The following CACNA1D variants were observed in gnomAD, a reference collection of about 807,000 sequenced individuals.
CACNA1D encodes calcium voltage-gated channel subunit alpha1 D.
CACNA1D carries 55 observed loss-of-function variants against 257.1 expected under a neutral mutation model. The ratio of observed to expected loss-of-function variants is 0.21; its 90% CI spans 0.17 to 0.27. The LOEUF is 0.27. Ranked by LOEUF, CACNA1D falls within the 10% of genes least tolerant of loss-of-function variation. CACNA1D has a pLI of 1.00. For missense variants in CACNA1D, 1,876 were observed against 2,784.0 expected (o/e 0.67, Z 7.34); for synonymous variants, 980 against 1,014.9 (o/e 0.97, Z 0.65).
At chr3:53,527,336 G>C in intron 3 of CACNA1D, among the ~76,000 whole-genome samples, 1 of 152,156 alleles carries the variant, frequency 6.6e-6, no homozygotes, top group South Asian at 2.1e-4. Context: ...AACTGTATTG[G>C]GTAGTTCATC....
intron 9 of CACNA1D, among the ~76,000 whole-genome samples, chr3:53,716,353 C>T (rs2094817884): frequency 3.9e-5 from 6 of 152,246 alleles, no homozygotes. Context: ...CAGTAACCAC[C>T]ACGGAAAATG....
At chr3:53,523,677 G>A (rs766490312) in intron 3 of CACNA1D, among the ~76,000 whole-genome samples, 1 of 152,218 alleles carries the variant, frequency 6.6e-6, no homozygotes, top group Non-Finnish European at 1.5e-5. Context: ...CCCACGTTAG[G>A]CACTCAGTCC....
chr3:53,805,189 C>G (rs755541250), intron 45 of CACNA1D, 43 bp downstream of exon 45: 6 of 1,582,372 alleles, frequency 3.8e-6, no homozygotes, highest in South Asian at 1.1e-5. Flanking sequence ...TCCCGGGGAA[C>G]AGTGTACCTC....
At chr3:53,640,680 T>C (rs1225877124) in intron 3 of CACNA1D, among the ~76,000 whole-genome samples, 2 of 152,266 alleles carry the variant, frequency 1.3e-5, no homozygotes, top group Non-Finnish European at 2.9e-5. Context: ...TGTTTGTTGA[T>C]ATGATTTACC....
chr3:53,503,746 A>G (rs1005385255), intron 3 of CACNA1D, among the ~76,000 whole-genome samples: 4 of 150,988 alleles, frequency 2.6e-5, no homozygotes, highest in Non-Finnish European at 5.9e-5. Flanking sequence ...TTTCTTGACT[A>G]TTCTTAAGCT....
intron 4 of CACNA1D, among the ~76,000 whole-genome samples, chr3:53,651,231 G>A (rs930704333): frequency 6.6e-6 from 1 of 152,098 alleles, no homozygotes; most frequent in African/African-American, 2.4e-5. Context: ...AACCCTGTTG[G>A]TGATTAGAGT....
At chr3:53,719,831 T>C (rs2094862637) in intron 11 of CACNA1D, 50 bp downstream of exon 11, 2 of 1,535,120 alleles carry the variant, frequency 1.3e-6, no homozygotes, top group East Asian at 4.5e-5. Context: ...TGCCTTTGTA[T>C]GTTCTCACTT....
intron 3 of CACNA1D, among the ~76,000 whole-genome samples, chr3:53,541,992 G>A: frequency 6.6e-6 from 1 of 152,200 alleles, no homozygotes; most frequent in South Asian, 2.1e-4. Context: ...TTTCAGGCAG[G>A]AGAGAGTGGG....
At chr3:53,707,878 G>A (rs1336299196) in intron 9 of CACNA1D, among the ~76,000 whole-genome samples, 3 of 152,228 alleles carry the variant, frequency 2.0e-5, no homozygotes, top group South Asian at 2.1e-4. Flanking sequence ...CAATTTTATT[G>A]TAGGAACTAT....
In CACNA1D at chr3:53,793,501, C is replaced by T. The variant is rs1380834875; in HGVS notation, c.4923+6549C>T. ...TCCAAGATTCCATACACTCAGGCCT[C>T]GGCAGAAAGGCCCCAAGCGATTCAA... On this transcript the variant is annotated intron_variant, in intron 40 of 47. Transcript: ENST00000350061. The surrounding 1 kb of genome is among the most constrained non-coding windows in gnomAD (Gnocchi z 4.1). Among the ~76,000 whole-genome samples, 2 of 152,204 alleles carry T rather than the reference C, an allele frequency of 1.3e-5. No individual in the cohort carries two copies. The highest frequency in any genetic ancestry group is 2.4e-5 in the African/African-American group (1 of 41,448).
intron 15 of CACNA1D, among the ~76,000 whole-genome samples, chr3:53,728,224 C>T (rs2094955005): frequency 6.6e-6 from 1 of 152,116 alleles, no homozygotes; most frequent in Non-Finnish European, 1.5e-5. Flanking sequence ...CTGCAACCTC[C>T]GCCTCCTGGG....
intron 3 of CACNA1D, among the ~76,000 whole-genome samples, chr3:53,590,159 C>G (rs531272570): frequency 6.6e-6 from 1 of 152,254 alleles, no homozygotes; most frequent in Non-Finnish European, 1.5e-5. Context: ...CAGCTCATGC[C>G]ACTGCCCCTG....
chr3:53,679,035 C>T (rs1038399169), intron 8 of CACNA1D: 14 of 151,722 alleles, frequency 9.2e-5, no homozygotes, highest in African/African-American at 2.9e-4. Flanking sequence ...TTTCGGAGGC[C>T]GAGGCAGCTG....
rs1000577969 is a variant in CACNA1D at position 53,811,172 on chromosome 3, A to G, written c.6252A>G (p.Thr2084=). 7 of 1,614,154 alleles carry G rather than the reference A, an allele frequency of 4.3e-6. No homozygotes were observed. The highest frequency in any genetic ancestry group is 5.1e-6 in the Non-Finnish European group (6 of 1,180,004). Residue 2084 remains threonine (T), a synonymous_variant, in exon 48 of 48, where the codon ACA becomes ACG. Transcript: ENST00000350061. The surrounding 1 kb of genome is among the most constrained non-coding windows in gnomAD (Gnocchi z 4.2). ...YARDPKFVSA[T]KHEIADACDL... The stretch of plus-strand genomic sequence containing the variant: ...GGGACCCAAAATTTGTGTCAGCAAC[A>G]AAACACGAAATCGCTGATGCCTGTG...
intron 3 of CACNA1D, among the ~76,000 whole-genome samples, chr3:53,578,828 T>C (rs2093082757): frequency 6.6e-6 from 1 of 152,248 alleles, no homozygotes; most frequent in African/African-American, 2.4e-5. Flanking sequence ...CAAGGGGTCC[T>C]GCATTTTCAT....
intron 9 of CACNA1D, among the ~76,000 whole-genome samples, chr3:53,715,543 C>A (rs1174192163): frequency 6.6e-6 from 1 of 152,114 alleles, no homozygotes; most frequent in African/African-American, 2.4e-5. Context: ...GAGAGCTTTT[C>A]TGAGATGATG....
At chr3:53,679,207 T>C (rs1030140543) in intron 8 of CACNA1D, 3 of 130,516 alleles carry the variant, frequency 2.3e-5, no homozygotes, top group East Asian at 2.3e-4. Flanking sequence ...GAGGTGGAGA[T>C]TGCAGTGAGC....
chr3:53,522,233 A>G (rs2091608058), intron 3 of CACNA1D, among the ~76,000 whole-genome samples: 2 of 152,216 alleles, frequency 1.3e-5, no homozygotes, highest in South Asian at 4.1e-4. Flanking sequence ...CCTGTTGGGC[A>G]GCACTGGCTA....
chr3:53,677,265 G>T (rs563951729), intron 8 of CACNA1D, among the ~76,000 whole-genome samples: 3 of 152,216 alleles, frequency 2.0e-5, no homozygotes, highest in African/African-American at 7.2e-5. Flanking sequence ...CCCAGGATGT[G>T]GCTCCAACCC....
Sources: allele counts gnomAD v4.1 joint callset (sites outside exome capture counted in the v4.1 genomes callset), GRCh38; gene constraint gnomAD v4.1.1; non-coding constraint Gnocchi (gnomAD v3.1); transcripts MANE v1.5; gene names NCBI Gene and HGNC (gene_info 2026-07-23, HGNC 2026-07-21).